RGS7: variants seen among roughly 807,000 people sequenced by gnomAD.
RGS7 encodes regulator of G protein signaling 7, also known as regulator of G-protein signaling 7.
Under a neutral mutation model 81.1 loss-of-function variants are expected in RGS7, and 27 were observed. That is an observed-to-expected ratio of 0.33 (90% CI 0.25 to 0.46). RGS7 has a LOEUF of 0.46. Ranked by LOEUF, RGS7 falls within the 20% of genes least tolerant of loss-of-function variation. RGS7 has a pLI of 1.00. For synonymous variants in RGS7, 208 were observed against 207.7 expected, an observed-to-expected ratio of 1.00 and a Z score of -0.01; for missense variants, 396 against 607.4, an observed-to-expected ratio of 0.65 and a Z score of 3.66.
chr1:241,106,565 A>T (rs1276509375), intron 2 of RGS7, among the ~76,000 whole-genome samples: 1 of 151,698 alleles, frequency 6.6e-6, no homozygotes, highest in Admixed American at 6.6e-5. Flanking sequence ...AATACAAAAA[A>T]ATTAGTCATG....
At chr1:241,159,443 A>T (rs963894041) in intron 2 of RGS7, among the ~76,000 whole-genome samples, 2 of 152,110 alleles carry the variant, frequency 1.3e-5, no homozygotes, top group Non-Finnish European at 2.9e-5. Flanking sequence ...AGAACAACCT[A>T]AATGTAGGAA....
intron 2 of RGS7, among the ~76,000 whole-genome samples, chr1:241,313,341 G>A (rs2080665789): frequency 6.6e-6 from 1 of 152,222 alleles, no homozygotes; most frequent in Non-Finnish European, 1.5e-5. Flanking sequence ...TCATTGCCTG[G>A]CTTCAAAGCT....
intron 6 of RGS7, among the ~76,000 whole-genome samples, chr1:240,905,083 T>A (rs1436262579): frequency 1.3e-5 from 2 of 152,168 alleles, no homozygotes; most frequent in Non-Finnish European, 1.5e-5. Flanking sequence ...AATCAAAGTT[T>A]CCAAGGAAAC....
intron 3 of RGS7, among the ~76,000 whole-genome samples, chr1:241,016,906 T>C (rs1245100183): frequency 6.6e-6 from 1 of 152,226 alleles, no homozygotes; most frequent in Non-Finnish European, 1.5e-5. Flanking sequence ...TGCATTTTCC[T>C]CTTCTTTTAC....
intron 2 of RGS7, among the ~76,000 whole-genome samples, chr1:241,324,016 A>G (rs1372974229): frequency 1.3e-5 from 2 of 152,188 alleles, no homozygotes; most frequent in African/African-American, 2.4e-5. Flanking sequence ...CATGTTTAAA[A>G]TGGATATAAT....
rs200770896 is a variant in RGS7 at position 241,147,780 on chromosome 1, TTATATATATA to T, written c.79-49028_79-49019del. ...TTAAATATCCCATCTAGATTAAGTT[TTATATATATA>T]TATATATATATATATATATATATAT... On this transcript the variant is annotated intron_variant, in intron 2 of 18. Transcript: ENST00000440928. Among the ~76,000 whole-genome samples the T allele has an allele frequency of 1.7e-3, 75 of 44,646 alleles. 2 individuals are homozygous for T. Among genetic ancestry groups the T allele is most frequent in the East Asian group, 5.7e-3 (7 of 1,228 alleles). The allele number at this position is 44,646 out of a possible 152,430, so 29.3% of individuals were successfully genotyped here. A position where few individuals can be genotyped will look rare whatever the true frequency, so the allele number is the denominator to read the frequency against.
chr1:240,909,794 A>C (rs1671435265), intron 6 of RGS7, among the ~76,000 whole-genome samples: 1 of 152,176 alleles, frequency 6.6e-6, no homozygotes, highest in Non-Finnish European at 1.5e-5. Flanking sequence ...TAAGGAACTG[A>C]GGCTTTCCTG....
At chr1:240,963,334 T>C (rs1681768107) in intron 4 of RGS7, among the ~76,000 whole-genome samples, 1 of 152,148 alleles carries the variant, frequency 6.6e-6, no homozygotes, top group Non-Finnish European at 1.5e-5. Flanking sequence ...GGTATATTTG[T>C]AGTGGTTATC....
At chr1:241,099,480 C>T (rs1299588080) in intron 2 of RGS7, among the ~76,000 whole-genome samples, 1 of 152,114 alleles carries the variant, frequency 6.6e-6, no homozygotes, top group African/African-American at 2.4e-5. Context: ...AACACCACAG[C>T]CTTCTGTCCG....
intron 2 of RGS7, among the ~76,000 whole-genome samples, chr1:241,174,895 G>GTTTTTTTTTTTTTTTTTTTTTT (rs551122102): frequency 2.0e-4 from 14 of 69,228 alleles, no homozygotes; most frequent in Non-Finnish European, 2.5e-4. Flanking sequence ...ACAGAATTTT[G>GTTTTTTTTTTTTTTTTTTTTTT]TTTTTTTTTT....
chr1:240,865,144 T>A (rs539487590), intron 9 of RGS7, among the ~76,000 whole-genome samples: 8 of 152,324 alleles, frequency 5.3e-5, no homozygotes, highest in African/African-American at 1.9e-4. Context: ...ATTTTATAAG[T>A]AAGACTGCTG....
intron 2 of RGS7, among the ~76,000 whole-genome samples, chr1:241,129,810 C>T (rs1225409164): frequency 6.6e-6 from 1 of 152,084 alleles, no homozygotes; most frequent in African/African-American, 2.4e-5. Context: ...GGTCCTTCTA[C>T]AAACCCCCTG....
chr1:240,925,606 C>T (rs1674317129), intron 6 of RGS7, among the ~76,000 whole-genome samples: 1 of 152,126 alleles, frequency 6.6e-6, no homozygotes, highest in South Asian at 2.1e-4. Context: ...ACATGTCTTT[C>T]TGGTAGAATA....
chr1:240,999,995 C>T (rs548483543), intron 3 of RGS7, among the ~76,000 whole-genome samples: 14 of 152,274 alleles, frequency 9.2e-5, no homozygotes, highest in Middle Eastern at 3.4e-3. Flanking sequence ...ACCACTCCTC[C>T]GGAAGAGGGA....
At chr1:241,250,670 T>C (rs988110525) in intron 2 of RGS7, among the ~76,000 whole-genome samples, 5 of 152,234 alleles carry the variant, frequency 3.3e-5, no homozygotes, top group African/African-American at 1.2e-4. Context: ...TATTCTTTAT[T>C]GCACTAGGCC....
At chr1:241,183,340 A>G (rs1217724099) in intron 2 of RGS7, among the ~76,000 whole-genome samples, 1 of 152,210 alleles carries the variant, frequency 6.6e-6, no homozygotes, top group African/African-American at 2.4e-5. Flanking sequence ...CACCTGCAAA[A>G]GGCTCAGCTC....
chr1:240,966,992 A>G (rs1682415684), intron 4 of RGS7, among the ~76,000 whole-genome samples: 1 of 152,222 alleles, frequency 6.6e-6, no homozygotes. Flanking sequence ...CACAAAGAAC[A>G]AAGTCCTTCT....
intron 2 of RGS7, among the ~76,000 whole-genome samples, chr1:241,353,069 C>A (rs1026681530): frequency 6.6e-6 from 1 of 152,202 alleles, no homozygotes; most frequent in Non-Finnish European, 1.5e-5. Context: ...GGGCATGAGT[C>A]AATAGAACAG....
chr1:240,860,574 T>C (rs1449679120), intron 9 of RGS7, among the ~76,000 whole-genome samples: 1 of 152,124 alleles, frequency 6.6e-6, no homozygotes, highest in African/African-American at 2.4e-5. Context: ...TTAATGGATT[T>C]GTACACACAC....
Sources: allele counts gnomAD v4.1 joint callset (sites outside exome capture counted in the v4.1 genomes callset), GRCh38; gene constraint gnomAD v4.1.1; transcripts MANE v1.5; gene names NCBI Gene and HGNC (gene_info 2026-07-23, HGNC 2026-07-21).